CDH18: variants seen among roughly 807,000 people sequenced by gnomAD.
CDH18 encodes the protein cadherin-18.
Under a neutral mutation model 67.9 loss-of-function variants are expected in CDH18, and 31 were observed. That is an observed-to-expected ratio of 0.46 (90% confidence interval 0.34 to 0.62). The LOEUF is 0.62. CDH18 is among the 20% of genes least tolerant of loss of function. The pLI is 0.01. For missense variants in CDH18, 890 were observed against 975.5 expected, an observed-to-expected ratio of 0.91 and a Z score of 1.17; for synonymous variants, 362 against 347.2, an observed-to-expected ratio of 1.04 and a Z score of -0.48.
intron 2 of CDH18, among the ~76,000 whole-genome samples, chr5:19,890,758 C>T (rs1007172288): frequency 5.9e-5 from 9 of 151,974 alleles, no homozygotes; most frequent in South Asian, 2.1e-4. Flanking sequence ...CTATGCCTGG[C>T]TAATTTTTGT....
At chr5:20,421,581 G>GT (rs1275989240) in intron 1 of CDH18, among the ~76,000 whole-genome samples, 26 of 150,940 alleles carry the variant, frequency 1.7e-4, no homozygotes, top group Admixed American at 1.7e-3. Flanking sequence ...AGAATGATCA[G>GT]TTCCTTTTTA....
intron 10 of CDH18, among the ~76,000 whole-genome samples, chr5:19,515,450 TTCA>T (rs988647035): frequency 2.2e-5 from 3 of 138,352 alleles, no homozygotes; most frequent in African/African-American, 7.8e-5. Flanking sequence ...TATGGCCATT[TTCA>T]TGATATTGAT....
rs67879363 is a variant in CDH18, at chr5:19,493,537, G to GGTGTGTGT, written c.1630+9447_1630+9454dup. Among the ~76,000 whole-genome samples, 808 of 148,030 alleles carry GGTGTGTGT rather than the reference G, an allele frequency of 5.5e-3. 9 individuals are homozygous for GGTGTGTGT. Among genetic ancestry groups the GGTGTGTGT allele is most frequent in the African/African-American group, 0.017 (693 of 40,344 alleles). ...TAAAATGTCAGCCCGAGGGAATTGG[G>GGTGTGTGT]GTGTGTGTGTGTGTGTGTGTGTGTG... On this transcript the variant is annotated intron_variant, in intron 11 of 12. Transcript: ENST00000382275.
intron 1 of CDH18, among the ~76,000 whole-genome samples, chr5:20,477,459 G>T (rs887594223): frequency 1.3e-5 from 2 of 152,206 alleles, no homozygotes; most frequent in African/African-American, 4.8e-5. Flanking sequence ...GGACAGAGAA[G>T]CTGTGTGTTT....
intron 8 of CDH18, among the ~76,000 whole-genome samples, chr5:19,564,738 T>C (rs1580235267): frequency 6.6e-6 from 1 of 151,672 alleles, no homozygotes; most frequent in Admixed American, 6.6e-5. Context: ...CACAGAGGGG[T>C]GGAGCATCAA....
At chr5:20,088,378 A>G (rs975966254) in intron 2 of CDH18, among the ~76,000 whole-genome samples, 2 of 152,226 alleles carry the variant, frequency 1.3e-5, no homozygotes, top group Non-Finnish European at 2.9e-5. Context: ...CGGAATGGTC[A>G]TATGATTAAA....
chr5:20,260,391 G>T (rs1744558431), intron 1 of CDH18, among the ~76,000 whole-genome samples: 1 of 151,800 alleles, frequency 6.6e-6, no homozygotes. Context: ...TGTGCTCCAG[G>T]GGCTCTACTT....
intron 10 of CDH18, among the ~76,000 whole-genome samples, chr5:19,514,950 G>A (rs1198975767): frequency 6.6e-6 from 1 of 152,104 alleles, no homozygotes; most frequent in African/African-American, 2.4e-5. Flanking sequence ...GAATTGCCTA[G>A]GTTTTCTTCT....
At chr5:19,984,117 T>C (rs1300409975) in intron 1 of CDH18, among the ~76,000 whole-genome samples, 1 of 152,106 alleles carries the variant, frequency 6.6e-6, no homozygotes, top group Admixed American at 6.6e-5. Context: ...TAGTTACATA[T>C]AATATTATGA....
intron 1 of CDH18, among the ~76,000 whole-genome samples, chr5:20,532,445 T>C (rs75247113): frequency 0.01 from 1,562 of 152,234 alleles, 49 homozygotes; most frequent in East Asian, 0.075. Flanking sequence ...TTTTTTGTAC[T>C]ATCTTGCTCT....
intron 3 of CDH18, among the ~76,000 whole-genome samples, chr5:19,836,193 G>A (rs1781605248): frequency 6.6e-6 from 1 of 151,976 alleles, no homozygotes; most frequent in South Asian, 2.1e-4. Flanking sequence ...TCCAAAAAGG[G>A]CAATTTTAAT....
upstream of CDH18, chr5:19,992,017 C>CAAAAAAA (rs775034313): frequency 4.2e-5 from 2 of 47,598 alleles, no homozygotes. Flanking sequence ...GATTCCATCT[C>CAAAAAAA]AAAAAAAAAA....
intron 8 of CDH18, among the ~76,000 whole-genome samples, chr5:19,565,767 G>A (rs1740280948): frequency 6.6e-6 from 1 of 152,204 alleles, no homozygotes; most frequent in Non-Finnish European, 1.5e-5. Flanking sequence ...CTGTGAAACT[G>A]AAGAGAGTAC....
intron 2 of CDH18, among the ~76,000 whole-genome samples, chr5:20,129,117 A>G (rs1159757567): frequency 6.6e-6 from 1 of 152,042 alleles, no homozygotes; most frequent in African/African-American, 2.4e-5. Flanking sequence ...AAAATGAAGT[A>G]CCTGTTGATC....
At chr5:20,368,212 G>T (rs553263963) in intron 1 of CDH18, among the ~76,000 whole-genome samples, 1 of 152,274 alleles carries the variant, frequency 6.6e-6, no homozygotes, top group South Asian at 2.1e-4. Flanking sequence ...AGTATAAAAT[G>T]CAAAATAATT....
intron 2 of CDH18, among the ~76,000 whole-genome samples, chr5:20,018,532 T>C (rs1738094803): frequency 6.6e-6 from 1 of 152,206 alleles, no homozygotes; most frequent in South Asian, 2.1e-4. Flanking sequence ...CATTTTGTAT[T>C]CTAAACAATC....
intron 1 of CDH18, among the ~76,000 whole-genome samples, chr5:20,563,965 G>A (rs1246233440): frequency 3.3e-5 from 5 of 151,940 alleles, no homozygotes; most frequent in Non-Finnish European, 5.9e-5. Flanking sequence ...AGGAACCCAT[G>A]GTAAGTTTAA....
At chr5:20,242,638 A>ATATATATATATATATATATG (rs1743069896) in intron 2 of CDH18, among the ~76,000 whole-genome samples, 1 of 109,526 alleles carries the variant, frequency 9.1e-6, no homozygotes, top group African/African-American at 5.3e-5. Flanking sequence ...ATATATGTAT[A>ATATATATATATATATATATG]TATATATATA....
Position 19,473,197 on chromosome 5 carries a change from A to T in CDH18, c.*29T>A. The T allele has an allele frequency of 6.2e-7, 1 of 1,600,840 alleles. No individual in the cohort carries two copies. The highest frequency in any genetic ancestry group is 8.5e-7 in the Non-Finnish European group (1 of 1,172,046). ...TGTATATCCACTTACTCAGGAAGCA[A>T]ATTCCACAAGGTTGCAAGAACTGAC... is the stretch of plus-strand genomic sequence containing the variant. On this transcript the variant is annotated 3_prime_UTR_variant, in exon 13 of 13. Coordinates refer to ENST00000382275, the MANE Select transcript of CDH18 (RefSeq NM_004934.5).
Sources: gnomAD v4.1 joint callset for allele counts (sites outside exome capture counted in the v4.1 genomes callset) on GRCh38, gnomAD v4.1.1 for gene constraint, MANE v1.5 for transcripts, NCBI Gene and HGNC (gene_info 2026-07-23, HGNC 2026-07-21) for gene names.